Variants in NCKAP5 observed in about 807,000 individuals in gnomAD.
NCKAP5 encodes the protein NCK associated protein 5.
A neutral mutation model predicts 167.0 loss-of-function variants in NCKAP5; 92 were observed. The ratio of observed to expected loss-of-function variants is 0.55; its 90% CI spans 0.47 to 0.66. The LOEUF (loss-of-function observed/expected upper bound fraction) is 0.66. Ranked by LOEUF, NCKAP5 falls within the 30% of genes least tolerant of loss-of-function variation. The pLI, the probability that NCKAP5 is intolerant of heterozygous loss-of-function variation, is 0.00. For missense variants in NCKAP5, 2,378 were observed against 2,315.0 expected (o/e 1.03, Z -0.56); for synonymous variants, 891 against 877.4 (o/e 1.02, Z -0.27).
At chr2:132,681,765 G>A (rs371617679) in intron 19 of NCKAP5, among the ~76,000 whole-genome samples, 18 of 152,240 alleles carry the variant, frequency 1.2e-4, no homozygotes, top group African/African-American at 4.3e-4. Flanking sequence ...AACATTTTAT[G>A]TTATTCATTA....
At chr2:133,121,616 C>CAT (rs1340664773) in intron 6 of NCKAP5, among the ~76,000 whole-genome samples, 2 of 152,146 alleles carry the variant, frequency 1.3e-5, no homozygotes, top group South Asian at 4.1e-4. Flanking sequence ...GCAACTAGAG[C>CAT]TCCTATACAT....
At chr2:133,583,414 G>A in the NCKAP5 span, among the ~76,000 whole-genome samples, 1 of 152,144 alleles carries the variant, frequency 6.6e-6, no homozygotes, top group Non-Finnish European at 1.5e-5. Flanking sequence ...CCCATCACCT[G>A]TTGCCTTGAT....
intron 5 of NCKAP5, among the ~76,000 whole-genome samples, chr2:133,148,374 TTTAA>T (rs2083273946): frequency 6.6e-6 from 1 of 152,140 alleles, no homozygotes; most frequent in Admixed American, 6.6e-5. Flanking sequence ...GAGTTTGTTA[TTTAA>T]TTAAACGTTG....
chr2:133,511,907 A>G (rs936008028), intron 3 of NCKAP5, among the ~76,000 whole-genome samples: 1 of 152,166 alleles, frequency 6.6e-6, no homozygotes, highest in Admixed American at 6.5e-5. Flanking sequence ...GGCAAACGGT[A>G]CTTTATGTAC....
chr2:132,870,652 T>A (rs907293923), intron 9 of NCKAP5, among the ~76,000 whole-genome samples: 2 of 151,554 alleles, frequency 1.3e-5, no homozygotes, highest in Non-Finnish European at 2.9e-5. Context: ...AGGGACACTT[T>A]TGTGTTATTT....
intron 4 of NCKAP5, among the ~76,000 whole-genome samples, chr2:133,251,534 A>G (rs2088330503): frequency 6.6e-6 from 1 of 150,558 alleles, no homozygotes; most frequent in South Asian, 2.1e-4. Context: ...AGCATTTAGC[A>G]CATAGCAGAT....
At chr2:133,344,673 C>T (rs189995607) in intron 3 of NCKAP5, among the ~76,000 whole-genome samples, 1 of 152,152 alleles carries the variant, frequency 6.6e-6, no homozygotes, top group East Asian at 1.9e-4. Flanking sequence ...GGTAGACTTA[C>T]TTGAAGTCAC....
rs1435451663 is a variant in NCKAP5 at position 133,017,692 on chromosome 2, C to T, written c.342-23453G>A. ...TTCAATTGACAAATCCTCATGCATG[C>T]CTTGGGACTTTTCTGTAAGGCAAGT... On this transcript the variant is annotated intron_variant, in intron 6 of 19. Coordinates refer to ENST00000409261, the MANE Select transcript of NCKAP5 (RefSeq NM_207363.3). Among the ~76,000 whole-genome samples the T allele has an allele frequency of 3.9e-5, 6 of 151,994 alleles. No homozygotes were observed. In the East Asian group the frequency reaches 9.6e-4, roughly 24 times the overall value.
chr2:133,491,789 C>T lies in NCKAP5; in HGVS notation c.69+25669G>A, dbSNP rs527296685. 3.3e-5 allele frequency among the ~76,000 whole-genome samples: 5 copies of T among 152,256 alleles called. No homozygotes were observed. In the South Asian group the frequency reaches 1.0e-3, roughly 32 times the overall value. The stretch of plus-strand genomic sequence containing the variant: ...CACATGGGCAGAGCTGAGATGGAGG[C>T]AAGAGACAGTAGTCACTTCCCGCAG... On this transcript the variant is annotated intron_variant, in intron 3 of 19. Coordinates refer to ENST00000409261, the MANE Select transcript of NCKAP5 (RefSeq NM_207363.3).
chr2:132,735,379 T>TGTG (rs1691412626), intron 16 of NCKAP5, among the ~76,000 whole-genome samples: 1 of 152,090 alleles, frequency 6.6e-6, no homozygotes, highest in African/African-American at 2.4e-5. Flanking sequence ...TTTAAAAGTG[T>TGTG]GTGGCACCTC....
chr2:133,277,496 G>A (rs2089777817), intron 4 of NCKAP5, among the ~76,000 whole-genome samples: 1 of 152,068 alleles, frequency 6.6e-6, no homozygotes, highest in Admixed American at 6.6e-5. Context: ...TAAAACTCCT[G>A]TAAATCACAA....
chr2:133,086,050 C>T (rs16847409), intron 6 of NCKAP5, among the ~76,000 whole-genome samples: 31,919 of 152,008 alleles, frequency 0.21, 4,035 homozygotes, highest in East Asian at 0.57. Flanking sequence ...TAAAGAACTG[C>T]TACTTCTGTG....
chr2:132,860,698 A>T, intron 10 of NCKAP5, 87 bp from the exon 11 acceptor site: 1 of 1,421,004 alleles, frequency 7.0e-7, no homozygotes, highest in Non-Finnish European at 9.4e-7. Context: ...ATCTCAGATC[A>T]TTAGTAAAAA....
intron 3 of NCKAP5, among the ~76,000 whole-genome samples, chr2:133,383,733 C>A (rs1198690974): frequency 6.6e-6 from 1 of 152,168 alleles, no homozygotes; most frequent in Non-Finnish European, 1.5e-5. Flanking sequence ...CCTGTTATTT[C>A]CTGACTTTTT....
chr2:133,484,852 G>T (rs1680765597), intron 3 of NCKAP5, among the ~76,000 whole-genome samples: 1 of 152,096 alleles, frequency 6.6e-6, no homozygotes, highest in South Asian at 2.1e-4. Flanking sequence ...CCAGCATTTT[G>T]GATAAAGGAT....
intron 3 of NCKAP5, among the ~76,000 whole-genome samples, chr2:133,502,077 C>T (rs771639274): frequency 6.6e-6 from 1 of 152,232 alleles, no homozygotes; most frequent in Non-Finnish European, 1.5e-5. Context: ...CCCGTGACTG[C>T]TACTTTGGTG....
intron 4 of NCKAP5, among the ~76,000 whole-genome samples, chr2:133,253,600 G>A (rs2088464897): frequency 6.6e-6 from 1 of 152,134 alleles, no homozygotes; most frequent in Non-Finnish European, 1.5e-5. Context: ...GGATGGGGAA[G>A]CAATATTCCA....
chr2:133,617,186 A>C, the NCKAP5 span, among the ~76,000 whole-genome samples: 3 of 152,224 alleles, frequency 2.0e-5, no homozygotes, highest in Non-Finnish European at 4.4e-5. Flanking sequence ...ACAAATCCAC[A>C]GCCAATATCA....
the NCKAP5 span, among the ~76,000 whole-genome samples, chr2:133,632,755 G>A: frequency 3.3e-5 from 5 of 151,906 alleles, no homozygotes; most frequent in Non-Finnish European, 5.9e-5. Flanking sequence ...TCTCTTCCAC[G>A]CTGCCACTCT....
Sources: allele counts gnomAD v4.1 joint callset (sites outside exome capture counted in the v4.1 genomes callset), GRCh38; gene constraint gnomAD v4.1.1; transcripts MANE v1.5; gene names NCBI Gene and HGNC (gene_info 2026-07-23, HGNC 2026-07-21).